CNNM1: variants seen among roughly 807,000 people sequenced by gnomAD.
The protein encoded by CNNM1 is cyclin and CBS domain divalent metal cation transport mediator 1, also known as metal transporter CNNM1.
In CNNM1, 44 loss-of-function variants were observed where a neutral mutation model predicts 78.8. That is an observed-to-expected ratio of 0.56 (90% CI 0.44 to 0.72). The LOEUF (loss-of-function observed/expected upper bound fraction) is 0.72, where lower values mean the gene tolerates loss of function less well. CNNM1 is among the 30% of genes least tolerant of loss of function. CNNM1 has a pLI of 0.00. For synonymous variants in CNNM1, 584 were observed against 581.5 expected, an observed-to-expected ratio of 1.00 and a Z score of -0.06; for missense variants, 1,101 against 1,292.2, an observed-to-expected ratio of 0.85 and a Z score of 2.27.
At chr10:99,356,467 T>G (rs1286486408) in intron 1 of CNNM1, among the ~76,000 whole-genome samples, 2 of 130,482 alleles carry the variant, frequency 1.5e-5, no homozygotes, top group African/African-American at 3.0e-5. Context: ...AGAGAGAGAC[T>G]CCATCTCAGA....
At chr10:99,356,607 A>AG (rs1301404504) in intron 1 of CNNM1, among the ~76,000 whole-genome samples, 30 of 141,140 alleles carry the variant, frequency 2.1e-4, no homozygotes, top group Non-Finnish European at 1.0e-4. Context: ...AAAGAAAGAA[A>AG]AGAAAGAAAG....
At chr10:99,345,166 AC>A (rs2030639186) in intron 1 of CNNM1, among the ~76,000 whole-genome samples, 1 of 151,882 alleles carries the variant, frequency 6.6e-6, no homozygotes, top group African/African-American at 2.4e-5. Flanking sequence ...AGTAATAACA[AC>A]CCCCCTTTTG....
intron 6 of CNNM1, among the ~76,000 whole-genome samples, chr10:99,368,898 C>A (rs941963899): frequency 1.8e-4 from 28 of 152,186 alleles, no homozygotes; most frequent in African/African-American, 6.5e-4. Flanking sequence ...AGGAATGTAT[C>A]TGTGTATGCA....
rs1237807877 is a variant in CNNM1 at position 99,387,792 on chromosome 10, T to C, written c.2341-28T>C. On this transcript the variant is annotated intron_variant, in intron 7 of 10. Coordinates refer to ENST00000356713, the MANE Select transcript of CNNM1 (RefSeq NM_020348.3). ...ATCCGGGTGGTCTCTGCCTAGCTGC[T>C]CCTAAGCTCCTGCCCTCTTCCTTCC... is the stretch of plus-strand genomic sequence containing the variant. The C allele has an allele frequency of 2.6e-6, 4 of 1,554,400 alleles. No individual in the cohort carries two copies. The African/African-American group carries it at 5.5e-5, about 21-fold the overall frequency.
At chr10:99,358,551 T>G (rs1247243753) in intron 2 of CNNM1, among the ~76,000 whole-genome samples, 1 of 152,094 alleles carries the variant, frequency 6.6e-6, no homozygotes, top group Non-Finnish European at 1.5e-5. Context: ...TAGAAAGAGC[T>G]TTGATACCAT....
chr10:99,338,060 C>A (rs1216650866), intron 1 of CNNM1, among the ~76,000 whole-genome samples: 1 of 152,090 alleles, frequency 6.6e-6, no homozygotes, highest in Admixed American at 6.5e-5. Flanking sequence ...TCCCAAAGAG[C>A]CTAAAGCATA....
rs368559277 is a variant in CNNM1 at position 99,364,400 on chromosome 10, CT to C, written c.2029-5del. 0.13 allele frequency: 141,790 copies of C among 1,065,108 alleles called. 1,854 individuals are homozygous for C. Among genetic ancestry groups the C allele is most frequent in the African/African-American group, 0.25 (16,156 of 64,540 alleles). The allele number at this position is 1,065,108 out of a possible 1,614,324, so 66.0% of individuals were successfully genotyped here. On this transcript the variant is annotated splice_polypyrimidine_tract_variant and intron_variant, in intron 4 of 10. Transcript: ENST00000356713. ...CTCATACACATTCATAGTACACTTC[CT>C]TTTTTTTTTTTCCAGGGTAAAGTGG... is the stretch of plus-strand genomic sequence containing the variant.
chr10:99,366,742 AC>A (rs2031633150), intron 6 of CNNM1, among the ~76,000 whole-genome samples: 2 of 152,152 alleles, frequency 1.3e-5, no homozygotes, highest in South Asian at 4.1e-4. Flanking sequence ...AGATCATGCC[AC>A]CGTACTCCAG....
Position 99,330,178 on chromosome 10 carries a change from C to A in CNNM1, c.791C>A (p.Ala264Asp). The change falls in exon 1 of 11, where the codon GCC (alanine) becomes GAC (aspartate). Residue 264 changes from alanine (A) to aspartate (D), a missense_variant. This residue lies in a region of CNNM1 where 476 missense variants were observed against 484.5 expected (regional missense o/e 0.98). Coordinates refer to ENST00000356713, the MANE Select transcript of CNNM1 (RefSeq NM_020348.3). ...GTGCTGCGGAACAGCGGCTCGGCCG[C>A]CGAGCAGGAGCAGGCGCGCCGCGTG... Reference protein sequence around the residue: ...LRVLRNSGSAAEQEQARRVQA... With the variant: ...LRVLRNSGSADEQEQARRVQA... 1 of 1,519,374 alleles carries A rather than the reference C, an allele frequency of 6.6e-7. No individual in the cohort carries two copies. The highest frequency in any genetic ancestry group is 8.8e-7 in the Non-Finnish European group (1 of 1,138,826). The allele number at this position is 1,519,374 out of a possible 1,614,324, so 94.1% of individuals were successfully genotyped here. A position where few individuals can be genotyped will look rare whatever the true frequency, so the allele number is the denominator to read the frequency against.
At chr10:99,340,861 G>GCTTCCTTCCTTC (rs936044538) in intron 1 of CNNM1, among the ~76,000 whole-genome samples, 2 of 132,836 alleles carry the variant, frequency 1.5e-5, no homozygotes, top group East Asian at 2.1e-4. Context: ...CTCCTTCCCC[G>GCTTCCTTCCTTC]CTTCCTTCCT....
chr10:99,344,247 A>C (rs1407750313), intron 1 of CNNM1, among the ~76,000 whole-genome samples: 1 of 149,742 alleles, frequency 6.7e-6, no homozygotes, highest in Non-Finnish European at 1.5e-5. Context: ...CGGGAGAATC[A>C]CTTGAACCCG....
intron 6 of CNNM1, among the ~76,000 whole-genome samples, chr10:99,370,125 A>T (rs531790080): frequency 6.6e-6 from 1 of 152,184 alleles, no homozygotes; most frequent in Admixed American, 6.5e-5. Flanking sequence ...TGATAACCCA[A>T]TGTCAGACAG....
rs769414606 is a variant in CNNM1, at chr10:99,360,874, G to A, written c.1757G>A (p.Arg586Gln). ...AAGCAGAGGGTCCCGCAACGGGAGC[G>A]GAAGCGGCATGACTTCTCCTTGTTT... ...RKKQRVPQRERKRHDFSLFKL... is the reference protein window; with the variant it reads ...RKKQRVPQREQKRHDFSLFKL... The change falls in exon 3 of 11, where the codon CGG becomes CAG. Residue 586 changes from arginine to glutamine, a missense_variant. By Grantham distance (43) the Arg-to-Gln change is conservative. Transcript: ENST00000356713. 6.2e-6 allele frequency: 10 copies of A among 1,612,156 alleles called. No homozygotes were observed. Among genetic ancestry groups the A allele is most frequent in the Admixed American group, 3.3e-5 (2 of 59,982 alleles).
intron 6 of CNNM1, among the ~76,000 whole-genome samples, chr10:99,374,708 T>C (rs1407725090): frequency 3.3e-5 from 5 of 152,338 alleles, no homozygotes; most frequent in Admixed American, 6.5e-5. Flanking sequence ...TGTATCGCCC[T>C]GTGGGACCCT....
At chr10:99,348,038 G>GTGTATA (rs5787335) in intron 1 of CNNM1, among the ~76,000 whole-genome samples, 33 of 116,558 alleles carry the variant, frequency 2.8e-4, no homozygotes, top group East Asian at 5.1e-4. Flanking sequence ...GTGTGTGTGT[G>GTGTATA]TATATATATA....
At chr10:99,375,593 C>G (rs1589915878) in intron 6 of CNNM1, among the ~76,000 whole-genome samples, 1 of 152,218 alleles carries the variant, frequency 6.6e-6, no homozygotes, top group Admixed American at 6.5e-5. Context: ...TTATTTTACT[C>G]TTTCTGCTAC....
chr10:99,390,932 C>T (rs1229286016), intron 10 of CNNM1, among the ~76,000 whole-genome samples: 1 of 152,250 alleles, frequency 6.6e-6, no homozygotes, highest in Non-Finnish European at 1.5e-5. Flanking sequence ...ATTGCTCTCT[C>T]ATCCTTGAGG....
rs114723102 is a variant in CNNM1, at chr10:99,353,729, A to G, written c.1574-3783A>G. 3.2e-3 allele frequency among the ~76,000 whole-genome samples: 484 copies of G among 152,362 alleles called. 3 individuals carry two copies. Among genetic ancestry groups the G allele is most frequent in the African/African-American group, 0.011 (464 of 41,580 alleles). On this transcript the variant is annotated intron_variant, in intron 1 of 10. Coordinates refer to ENST00000356713, the MANE Select transcript of CNNM1 (RefSeq NM_020348.3). ...CATCCCAGTCTGTACTTAAGAAGAA[A>G]TGGCTTCCTTCATTTGTGTGTAGCA...
intron 1 of CNNM1, among the ~76,000 whole-genome samples, chr10:99,350,343 T>G (rs1424970395): frequency 6.6e-6 from 1 of 152,228 alleles, no homozygotes; most frequent in Admixed American, 6.5e-5. Flanking sequence ...GTTCTCTATT[T>G]CCAAGCAATA....
Sources: allele counts gnomAD v4.1 joint callset (sites outside exome capture counted in the v4.1 genomes callset), GRCh38; gene constraint gnomAD v4.1.1; regional missense constraint gnomAD v4.1.1; transcripts MANE v1.5; gene names NCBI Gene and HGNC (gene_info 2026-07-23, HGNC 2026-07-21).